Variants in CRISPLD2 observed in about 807,000 individuals in gnomAD.
CRISPLD2 encodes cysteine rich secretory protein LCCL domain containing 2, also known as cysteine-rich secretory protein LCCL domain-containing 2.
CRISPLD2 carries 47 observed loss-of-function variants against 71.1 expected under a neutral mutation model. That is an observed-to-expected ratio of 0.66 (90% CI 0.52 to 0.84). The LOEUF (loss-of-function observed/expected upper bound fraction) is 0.84. CRISPLD2 is among the 40% of genes least tolerant of loss of function. The pLI is 0.00. For synonymous variants in CRISPLD2, 317 were observed against 250.1 expected, an observed-to-expected ratio of 1.27 and a Z score of -2.52; for missense variants, 830 against 651.1, an observed-to-expected ratio of 1.27 and a Z score of -2.99.
chr16:84,852,576 TAGAG>T (rs1339738653), intron 5 of CRISPLD2, among the ~76,000 whole-genome samples: 2 of 152,062 alleles, frequency 1.3e-5, no homozygotes, highest in African/African-American at 2.4e-5. Flanking sequence ...GCCTCTGTCT[TAGAG>T]AGAGGGCTTG....
At chr16:84,903,757 A>G (rs1244376464) in intron 14 of CRISPLD2, among the ~76,000 whole-genome samples, 1 of 152,240 alleles carries the variant, frequency 6.6e-6, no homozygotes, top group Non-Finnish European at 1.5e-5. Flanking sequence ...TCCCAAAAGC[A>G]GTGTTCAAAA....
At chr16:84,896,980 G>C (rs1213783213) in intron 14 of CRISPLD2, among the ~76,000 whole-genome samples, 1 of 152,158 alleles carries the variant, frequency 6.6e-6, no homozygotes, top group African/African-American at 2.4e-5. Context: ...CTGTGTGTTG[G>C]GTGATGCCAA....
chr16:84,863,183 G>C (rs1041816797), intron 6 of CRISPLD2: 9 of 152,188 alleles, frequency 5.9e-5, no homozygotes, highest in African/African-American at 2.2e-4. Context: ...CTTATGTGTT[G>C]TTTGAATAAA....
chr16:84,860,418 A>G (rs1316236428), intron 6 of CRISPLD2, among the ~76,000 whole-genome samples: 2 of 152,028 alleles, frequency 1.3e-5, no homozygotes, highest in Non-Finnish European at 2.9e-5. Flanking sequence ...CACACTCCGA[A>G]CCTCACCTCT....
intron 3 of CRISPLD2, among the ~76,000 whole-genome samples, chr16:84,846,701 T>G (rs1305134007): frequency 1.3e-5 from 2 of 152,174 alleles, no homozygotes; most frequent in Non-Finnish European, 2.9e-5. Context: ...GTTGGGAAGA[T>G]GCCCATTGCC....
At chr16:84,874,810 C>T (rs778903781) in intron 11 of CRISPLD2, among the ~76,000 whole-genome samples, 2 of 152,138 alleles carry the variant, frequency 1.3e-5, no homozygotes, top group Admixed American at 6.5e-5. Flanking sequence ...AGATAACCAT[C>T]GTGAACACTT....
At chr16:84,830,196 C>A (rs1470857688) in intron 1 of CRISPLD2, among the ~76,000 whole-genome samples, 1 of 152,140 alleles carries the variant, frequency 6.6e-6, no homozygotes, top group African/African-American at 2.4e-5. Context: ...GTGTTGCACA[C>A]CTGTAGTCCC....
intron 11 of CRISPLD2, among the ~76,000 whole-genome samples, chr16:84,874,698 A>T (rs1309350841): frequency 2.6e-5 from 4 of 152,018 alleles, no homozygotes; most frequent in Non-Finnish European, 5.9e-5. Context: ...AATATGTAGT[A>T]GTTTTTTTTC....
At chr16:84,822,896 A>G (rs4238713) in intron 1 of CRISPLD2, among the ~76,000 whole-genome samples, 64,470 of 152,104 alleles carry the variant, frequency 0.42, 14,114 homozygotes, top group African/African-American at 0.53. Flanking sequence ...TTTACCATTT[A>G]ACCCATTTTG....
intron 14 of CRISPLD2, among the ~76,000 whole-genome samples, chr16:84,898,061 G>T (rs142093006): frequency 6.6e-6 from 1 of 152,208 alleles, no homozygotes. Context: ...ACCATCATCC[G>T]TTTATCATCA....
At chr16:84,891,822 C>T (rs1452077377) in intron 14 of CRISPLD2, among the ~76,000 whole-genome samples, 2 of 152,132 alleles carry the variant, frequency 1.3e-5, no homozygotes, top group Non-Finnish European at 2.9e-5. Context: ...GCCCCACTAT[C>T]ACCCAGGGTG....
At chr16:84,892,332 C>A (rs1650068263) in intron 14 of CRISPLD2, among the ~76,000 whole-genome samples, 1 of 152,228 alleles carries the variant, frequency 6.6e-6, no homozygotes, top group Admixed American at 6.5e-5. Context: ...GTGACAGCTG[C>A]CGTTCTAAGA....
At chr16:84,891,111 G>A (rs1487256624) in intron 14 of CRISPLD2, among the ~76,000 whole-genome samples, 1 of 152,194 alleles carries the variant, frequency 6.6e-6, no homozygotes, top group East Asian at 1.9e-4. Flanking sequence ...GTCACATTCT[G>A]AGGTGCACTT....
chr16:84,895,254 C>T (rs2071696131), intron 14 of CRISPLD2, among the ~76,000 whole-genome samples: 2 of 152,190 alleles, frequency 1.3e-5, no homozygotes, highest in Admixed American at 1.3e-4. Flanking sequence ...GGGACTCAAA[C>T]CTAGGCCGCC....
At chr16:84,840,666 C>T (rs1057327059) in intron 2 of CRISPLD2, among the ~76,000 whole-genome samples, 1 of 152,088 alleles carries the variant, frequency 6.6e-6, no homozygotes, top group Non-Finnish European at 1.5e-5. Flanking sequence ...ACCACCACGC[C>T]AGGCTAATTT....
At chr16:84,901,232 C>T (rs879145429) in intron 14 of CRISPLD2, among the ~76,000 whole-genome samples, 1 of 151,932 alleles carries the variant, frequency 6.6e-6, no homozygotes, top group African/African-American at 2.4e-5. Context: ...ATGTCTATGG[C>T]AGTATGTATA....
chr16:84,892,929 T>C (rs1169249636), intron 14 of CRISPLD2, among the ~76,000 whole-genome samples: 1 of 142,934 alleles, frequency 7.0e-6, no homozygotes, highest in Non-Finnish European at 1.5e-5. Context: ...TGAGCCGAGA[T>C]TCCACCACTG....
rs538162720 is a variant in CRISPLD2 at position 84,906,269 on chromosome 16, G to A, written c.1440-319G>A. 1.2e-4 allele frequency among the ~76,000 whole-genome samples: 18 copies of A among 152,180 alleles called. No homozygotes were observed. The South Asian group carries it at 3.7e-3, about 32-fold the overall frequency. ...ACTGTTCGGGTTGACAGGTGGTAGT[G>A]AAACCAAGCAGAATTCTCGGAGGGT... On this transcript the variant is annotated intron_variant, in intron 14 of 14. Transcript: ENST00000262424.
rs1917015882 is a variant in CRISPLD2, at chr16:84,849,433, G to GGTAGGTAT, written c.409_410insTAGGTATG (p.Asp137ValfsTer32). 1 of 1,614,034 alleles carries GGTAGGTAT rather than the reference G, an allele frequency of 6.2e-7. No individual in the cohort carries two copies. The highest frequency in any genetic ancestry group is 1.3e-5 in the African/African-American group (1 of 74,924). ...TGCAGTCCTGGTATGACGAGGTGAAGGACTACACCTACCCCTACCCGAGCG... is the reference window on the plus strand; with the variant it reads ...TGCAGTCCTGGTATGACGAGGTGAAGGTAGGTATGACTACACCTACCCCTACCCGAGCG... On this transcript the variant is annotated frameshift_variant, in exon 4 of 15. Transcript: ENST00000262424. LOFTEE classifies it high-confidence loss of function.
Sources: allele counts gnomAD v4.1 joint callset (sites outside exome capture counted in the v4.1 genomes callset), GRCh38; gene constraint gnomAD v4.1.1; transcripts MANE v1.5; gene names NCBI Gene and HGNC (gene_info 2026-07-23, HGNC 2026-07-21).